The following SBF2 variants were observed in gnomAD, a reference collection of about 807,000 sequenced individuals.
SBF2 encodes myotubularin-related protein 13.
A neutral mutation model predicts 225.2 loss-of-function variants in SBF2; 112 were observed. That is an observed-to-expected ratio of 0.50 (90% CI 0.43 to 0.58). The LOEUF (loss-of-function observed/expected upper bound fraction) is 0.58, where lower values mean the gene tolerates loss of function less well. Among genes scored for constraint, SBF2 ranks in the 20% least tolerant of loss-of-function variants. SBF2 has a pLI of 0.00. For synonymous variants in SBF2, 763 were observed against 773.3 expected (o/e 0.99, Z 0.22); for missense variants, 1,996 against 2,206.2 (o/e 0.90, Z 1.91).
intron 31 of SBF2, chr11:9,808,404 G>A (rs1853973630): frequency 1.7e-6 from 1 of 589,124 alleles, no homozygotes; most frequent in Non-Finnish European, 3.0e-6. Context: ...TTACTTTCAG[G>A]GAATTGAGAC....
chr11:10,237,179 T>C lies in SBF2; in HGVS notation c.56-43192A>G, dbSNP rs142957614. ...CTGGCCAACATGACAAAACCCCATC[T>C]CTACTAAAAACACAAAAATTAGCTG... On this transcript the variant is annotated intron_variant, in intron 1 of 39. Coordinates refer to ENST00000256190, the MANE Select transcript of SBF2 (RefSeq NM_030962.4). 7.8e-3 allele frequency among the ~76,000 whole-genome samples: 1,186 copies of C among 152,186 alleles called. 13 individuals carry two copies. The highest frequency in any genetic ancestry group is 0.027 in the African/African-American group (1,123 of 41,498).
intron 11 of SBF2, among the ~76,000 whole-genome samples, 158 bp downstream of exon 11, chr11:9,992,832 A>G (rs1947497167): frequency 6.6e-6 from 1 of 152,160 alleles, no homozygotes; most frequent in Non-Finnish European, 1.5e-5. Context: ...TATGAGTTCC[A>G]TATTATTATT....
chr11:10,145,684 A>G lies in SBF2; in HGVS notation c.141+48218T>C, dbSNP rs977187997. Among the ~76,000 whole-genome samples, 4 of 152,266 alleles carry G rather than the reference A, an allele frequency of 2.6e-5. No homozygotes were observed. The East Asian group carries it at 7.7e-4, about 29-fold the overall frequency. ...CATTTAATTGGGAGTTCCTCGAGAGATGGGCTTCATAATTTGTATACCCCA... is the reference window on the plus strand; with the variant it reads ...CATTTAATTGGGAGTTCCTCGAGAGGTGGGCTTCATAATTTGTATACCCCA... On this transcript the variant is annotated intron_variant, in intron 2 of 39. Transcript: ENST00000256190.
At chr11:9,885,710 T>C (rs1174688713) in intron 17 of SBF2, among the ~76,000 whole-genome samples, 3 of 152,180 alleles carry the variant, frequency 2.0e-5, no homozygotes, top group Non-Finnish European at 4.4e-5. Context: ...ATGAAAAATT[T>C]CAATAAAAAT....
At chr11:9,867,203 A>ATG (rs1858296510) in intron 17 of SBF2, among the ~76,000 whole-genome samples, 1 of 152,218 alleles carries the variant, frequency 6.6e-6, no homozygotes, top group African/African-American at 2.4e-5. Context: ...AGTGATTATT[A>ATG]CATAATGCAT....
At chr11:10,098,564 T>C (rs1320251856) in intron 2 of SBF2, among the ~76,000 whole-genome samples, 1 of 149,718 alleles carries the variant, frequency 6.7e-6, no homozygotes, top group East Asian at 1.9e-4. Flanking sequence ...GATCTATGAA[T>C]TGCCTGACAA....
At chr11:9,810,970 A>G (rs2133901633) in intron 30 of SBF2, 1 of 152,392 alleles carries the variant, frequency 6.6e-6, no homozygotes, top group South Asian at 2.1e-4. Flanking sequence ...CTATATGCCC[A>G]TCAACGGTAG....
At chr11:9,829,330 A>G (rs1855245392) in intron 28 of SBF2, 26 bp downstream of exon 28, 2 of 1,612,666 alleles carry the variant, frequency 1.2e-6, no homozygotes, top group South Asian at 1.1e-5. Flanking sequence ...GAAGCTGTCA[A>G]GAAGAAAAGT....
At chr11:9,808,283 A>G (rs751022500) in intron 31 of SBF2, 98 bp from the exon 32 acceptor site, 153 of 1,049,970 alleles carry the variant, frequency 1.5e-4, no homozygotes, top group Non-Finnish European at 2.1e-4. Flanking sequence ...CTAATTCACA[A>G]ATTTACCTGG....
chr11:10,293,307 G>C (rs750751996), intron 1 of SBF2, among the ~76,000 whole-genome samples: 1 of 152,176 alleles, frequency 6.6e-6, no homozygotes, highest in African/African-American at 2.4e-5. Flanking sequence ...AAAATTCTGT[G>C]ACAAATAAAA....
chr11:10,052,846 C>G (rs766377883), intron 2 of SBF2, among the ~76,000 whole-genome samples: 2 of 152,124 alleles, frequency 1.3e-5, no homozygotes, highest in African/African-American at 4.8e-5. Flanking sequence ...TTCTATAAAC[C>G]GTGTTCTTTC....
rs1851925324 is a variant in SBF2, at chr11:9,780,325, T to A, written c.*93A>T. The stretch of plus-strand genomic sequence containing the variant: ...GGAGAACCTCAGGCCCTGGGATAAC[T>A]TGTTGTCAGCTCCTCAAGGATCCAT... On this transcript the variant is annotated 3_prime_UTR_variant, in exon 40 of 40. Coordinates refer to ENST00000256190, the MANE Select transcript of SBF2 (RefSeq NM_030962.4). The A allele has an allele frequency of 2.7e-6, 3 of 1,117,342 alleles. No homozygotes were observed. Among genetic ancestry groups the A allele is most frequent in the Non-Finnish European group, 4.0e-6 (3 of 753,012 alleles). 69.2% of individuals were successfully genotyped at this position (1,117,342 alleles called of 1,614,324 possible). A position where few individuals can be genotyped will look rare whatever the true frequency, so the allele number is the denominator to read the frequency against.
chr11:10,270,756 G>A (rs1329499721), intron 1 of SBF2, among the ~76,000 whole-genome samples: 1 of 152,114 alleles, frequency 6.6e-6, no homozygotes, highest in African/African-American at 2.4e-5. Context: ...CACTTTGGGA[G>A]GCCGAGGTAG....
chr11:10,045,278 C>G (rs1478590378), intron 2 of SBF2, among the ~76,000 whole-genome samples: 3 of 151,902 alleles, frequency 2.0e-5, no homozygotes, highest in Non-Finnish European at 4.4e-5. Flanking sequence ...AGTGATTCTC[C>G]TGCTTCAGCC....
chr11:10,128,963 G>C (rs1440736266), intron 2 of SBF2, among the ~76,000 whole-genome samples: 1 of 151,982 alleles, frequency 6.6e-6, no homozygotes, highest in Non-Finnish European at 1.5e-5. Context: ...AACGTAGATA[G>C]TATCCAAACA....
chr11:10,229,351 G>C (rs1337917808), intron 1 of SBF2, among the ~76,000 whole-genome samples: 1 of 152,042 alleles, frequency 6.6e-6, no homozygotes, highest in African/African-American at 2.4e-5. Flanking sequence ...CTTGCCTTCT[G>C]CTAGCTTTTG....
At chr11:10,001,131 CAAT>C (rs1327755670) in intron 7 of SBF2, 109 bp from the exon 8 acceptor site, 1 of 666,294 alleles carries the variant, frequency 1.5e-6, no homozygotes, top group Non-Finnish European at 2.7e-6. Flanking sequence ...TAGAAATTAT[CAAT>C]AATGTTTTCA....
chr11:10,004,458 GA>G (rs995557263), intron 6 of SBF2, among the ~76,000 whole-genome samples: 11 of 148,694 alleles, frequency 7.4e-5, no homozygotes, highest in Admixed American at 4.8e-4. Context: ...ATATAGCTGT[GA>G]AAAGAAAATA....
chr11:9,846,253 G>A (rs1409002291), intron 23 of SBF2, among the ~76,000 whole-genome samples: 2 of 152,180 alleles, frequency 1.3e-5, no homozygotes, highest in Admixed American at 1.3e-4. Flanking sequence ...CTAAAGATCA[G>A]CAGCCTTACA....
Sources: gnomAD v4.1 joint callset for allele counts (sites outside exome capture counted in the v4.1 genomes callset) on GRCh38, gnomAD v4.1.1 for gene constraint, MANE v1.5 for transcripts, NCBI Gene and HGNC (gene_info 2026-07-23, HGNC 2026-07-21) for gene names.